CACNB4: variants seen among roughly 807,000 people sequenced by gnomAD.
The protein encoded by CACNB4 is calcium voltage-gated channel auxiliary subunit beta 4, also known as voltage-dependent L-type calcium channel subunit beta-4.
CACNB4 carries 32 observed loss-of-function variants against 71.2 expected under a neutral mutation model. The ratio of observed to expected loss-of-function variants is 0.45; its 90% CI spans 0.34 to 0.60. The LOEUF is 0.60. CACNB4 is among the 20% of genes least tolerant of loss of function. The pLI, the probability that CACNB4 is intolerant of heterozygous loss-of-function variation, is 0.01. For synonymous variants in CACNB4, 231 were observed against 236.9 expected, an observed-to-expected ratio of 0.97 and a Z score of 0.23; for missense variants, 464 against 647.9, an observed-to-expected ratio of 0.72 and a Z score of 3.08.
At chr2:151,969,158 T>TGC (rs2099871891) in intron 2 of CACNB4, 1 of 152,224 alleles carries the variant, frequency 6.6e-6, no homozygotes, top group Non-Finnish European at 1.5e-5. Flanking sequence ...CATTTGGTTT[T>TGC]CTTCTGTGGT....
At chr2:152,031,121 GAA>G (rs1216101979) in intron 2 of CACNB4, among the ~76,000 whole-genome samples, 2 of 152,160 alleles carry the variant, frequency 1.3e-5, no homozygotes, top group Non-Finnish European at 2.9e-5. Flanking sequence ...CTTCCAGAAA[GAA>G]AAAGAGGAAC....
At chr2:151,861,837 T>A (rs1236982401) in intron 9 of CACNB4, 1 of 71,620 alleles carries the variant, frequency 1.4e-5, no homozygotes, top group African/African-American at 1.8e-4. Flanking sequence ...GGTGAGACCC[T>A]GTCTCAAAAA....
chr2:151,840,827 A>G (rs933902107), intron 13 of CACNB4, among the ~76,000 whole-genome samples: 6 of 152,200 alleles, frequency 3.9e-5, no homozygotes, highest in Admixed American at 6.5e-5. Flanking sequence ...ATCATGATAC[A>G]AGAGGGCTCA....
chr2:152,075,277 C>T (rs556035867), intron 2 of CACNB4, among the ~76,000 whole-genome samples: 1 of 152,310 alleles, frequency 6.6e-6, no homozygotes, highest in Non-Finnish European at 1.5e-5. Flanking sequence ...CTGATTCCAT[C>T]AACAGCTCTG....
chr2:151,919,583 C>A (rs2099858397), intron 2 of CACNB4, among the ~76,000 whole-genome samples: 1 of 152,148 alleles, frequency 6.6e-6, no homozygotes, highest in African/African-American at 2.4e-5. Context: ...CAGGGTCCTG[C>A]AAGTACAGGG....
At chr2:151,974,102 C>A (rs749754063) in intron 2 of CACNB4, 2 of 315,746 alleles carry the variant, frequency 6.3e-6, no homozygotes, top group Non-Finnish European at 9.5e-6. Context: ...TCCTGTTTCG[C>A]CTGTATTGTT....
intron 2 of CACNB4, among the ~76,000 whole-genome samples, chr2:151,985,089 A>G (rs1332666977): frequency 6.6e-6 from 1 of 152,184 alleles, no homozygotes; most frequent in Non-Finnish European, 1.5e-5. Context: ...AAAGTAAAAT[A>G]TGTTTTTTAA....
At chr2:152,087,769 C>T (rs1250869966) in intron 2 of CACNB4, among the ~76,000 whole-genome samples, 1 of 152,086 alleles carries the variant, frequency 6.6e-6, no homozygotes, top group Non-Finnish European at 1.5e-5. Flanking sequence ...GTCCCAGCTA[C>T]TTGGGAGACT....
chr2:152,091,043 C>CA (rs747321169), intron 2 of CACNB4, among the ~76,000 whole-genome samples: 1,583 of 122,034 alleles, frequency 0.013, 15 homozygotes, highest in African/African-American at 0.029. Context: ...GACTCCATCT[C>CA]AAAAAAAAAA....
At chr2:151,988,647 C>T (rs186770685) in intron 2 of CACNB4, among the ~76,000 whole-genome samples, 1 of 152,186 alleles carries the variant, frequency 6.6e-6, no homozygotes, top group Admixed American at 6.5e-5. Flanking sequence ...TGGGGAGGTC[C>T]CAGTTCCTGG....
intron 2 of CACNB4, among the ~76,000 whole-genome samples, chr2:152,026,504 C>T (rs907268904): frequency 1.8e-4 from 27 of 152,116 alleles, no homozygotes; most frequent in African/African-American, 5.8e-4. Context: ...CATGCCTCAG[C>T]CCCCTGAATA....
chr2:151,914,800 G>C (rs143761068), intron 2 of CACNB4, among the ~76,000 whole-genome samples: 263 of 152,266 alleles, frequency 1.7e-3, no homozygotes, highest in African/African-American at 6.1e-3. Flanking sequence ...TCACTCCAGT[G>C]CCTGGAGATG....
chr2:151,978,546 CCT>C (rs1177385546), intron 2 of CACNB4, among the ~76,000 whole-genome samples: 1 of 152,178 alleles, frequency 6.6e-6, no homozygotes. Context: ...CCTTCCTGTG[CCT>C]CCATTTCCTC....
chr2:151,843,625 A>T (rs1271806489), intron 12 of CACNB4, among the ~76,000 whole-genome samples: 1 of 152,134 alleles, frequency 6.6e-6, no homozygotes, highest in Admixed American at 6.5e-5. Context: ...TCACATCTCA[A>T]CTTTCAATAG....
upstream of CACNB4, chr2:152,099,128 C>G (rs549021016): frequency 7.9e-5 from 47 of 595,148 alleles, no homozygotes; most frequent in East Asian, 1.6e-3. Context: ...CTCCAGGACC[C>G]GCGCCGGCGC....
At chr2:151,884,823 G>A (rs1200404363) in intron 2 of CACNB4, among the ~76,000 whole-genome samples, 1 of 152,094 alleles carries the variant, frequency 6.6e-6, no homozygotes, top group African/African-American at 2.4e-5. Context: ...TGCATAGATG[G>A]TAACATTTAC....
intron 2 of CACNB4, among the ~76,000 whole-genome samples, chr2:152,072,025 G>T (rs1169809575): frequency 2.6e-5 from 4 of 152,236 alleles, no homozygotes; most frequent in Non-Finnish European, 5.9e-5. Flanking sequence ...TCTAGGCATT[G>T]GGAATTGCAG....
intron 9 of CACNB4, among the ~76,000 whole-genome samples, chr2:151,862,599 G>C (rs2099842017): frequency 6.6e-6 from 1 of 152,174 alleles, no homozygotes; most frequent in South Asian, 2.1e-4. Flanking sequence ...TCAGTGCCAG[G>C]TAAACATGTC....
At chr2:152,090,014 G>C (rs1579279812) in intron 2 of CACNB4, among the ~76,000 whole-genome samples, 1 of 152,212 alleles carries the variant, frequency 6.6e-6, no homozygotes. Flanking sequence ...ATGAATGTGA[G>C]TGAGTTGCAA....
Sources: gnomAD v4.1 joint callset for allele counts (sites outside exome capture counted in the v4.1 genomes callset) on GRCh38, gnomAD v4.1.1 for gene constraint, MANE v1.5 for transcripts, NCBI Gene and HGNC (gene_info 2026-07-23, HGNC 2026-07-21) for gene names.